Variants in TDP1 observed in about 807,000 individuals in gnomAD.
TDP1 encodes the protein tyrosyl-DNA phosphodiesterase 1.
Under a neutral mutation model 81.5 loss-of-function variants are expected in TDP1, and 64 were observed. The ratio of observed to expected loss-of-function variants is 0.79; its 90% confidence interval spans 0.64 to 0.97. TDP1 has a LOEUF of 0.97. Among genes scored for constraint, TDP1 ranks in the 50% least tolerant of loss-of-function variants. The probability of loss-of-function intolerance (pLI) is 0.00; values close to 1 mark genes in which losing one functional copy is unlikely to be tolerated. For synonymous variants in TDP1, 256 were observed against 264.3 expected (o/e 0.97, Z 0.30); for missense variants, 723 against 743.8 (o/e 0.97, Z 0.33).
chr14:89,962,697 T>C (rs748851796), intron 2 of TDP1, among the ~76,000 whole-genome samples: 1 of 149,448 alleles, frequency 6.7e-6, no homozygotes, highest in Non-Finnish European at 1.5e-5. Flanking sequence ...AAACCCTGTC[T>C]CTACCAAAAA....
At chr14:89,956,272 C>T (rs529668207) in intron 1 of TDP1, 11 of 152,424 alleles carry the variant, frequency 7.2e-5, no homozygotes, top group African/African-American at 2.6e-4. Flanking sequence ...CAGACCTAAG[C>T]TTACAGGTGC....
Position 90,019,430 on chromosome 14 carries a change from C to T in TDP1, c.1644+12C>T. The T allele has an allele frequency of 7.2e-7, 1 of 1,387,708 alleles. No individual in the cohort carries two copies. The highest frequency in any genetic ancestry group is 1.0e-6 in the Non-Finnish European group (1 of 973,176). The allele number at this position is 1,387,708 out of a possible 1,614,324, so 86.0% of individuals were successfully genotyped here. ...TCCCTTCAGCATTTGTAAGTTTACA[C>T]TTCCAACTGCACAGTGGGTCACATG... On this transcript the variant is annotated intron_variant, in intron 15 of 16. Transcript: ENST00000335725.
At chr14:89,989,485 A>T in intron 11 of TDP1, 1 of 948,260 alleles carries the variant, frequency 1.1e-6, no homozygotes, top group Non-Finnish European at 1.3e-6. Context: ...TGTTAACTTG[A>T]ATTTCAAAGG....
chr14:90,037,000 T>G (rs1320681579), intron 16 of TDP1, among the ~76,000 whole-genome samples: 2 of 152,022 alleles, frequency 1.3e-5, no homozygotes, highest in Admixed American at 6.6e-5. Flanking sequence ...TTTGTAGAGA[T>G]GGGGTCTCGC....
At position 89,963,437 on chromosome 14, in the gene TDP1, T is replaced by C. The variant is rs750919106; in HGVS notation, c.323T>C (p.Val108Ala). The change falls in exon 3 of 17, where the codon GTG becomes GCG. Residue 108 changes from valine to alanine, a missense_variant. Transcript: ENST00000335725. ...ATGCCGCAGAAGCAGGCTGAGAAAG[T>C]GGTGATCAAAAAGGAGAAAGACATC... ...PEMPQKQAEKVVIKKEKDISA... is the reference protein window; with the variant it reads ...PEMPQKQAEKAVIKKEKDISA... 1.7e-5 allele frequency: 27 copies of C among 1,613,412 alleles called. No homozygotes were observed. In the South Asian group the frequency reaches 2.6e-4, roughly 16 times the overall value.
intron 14 of TDP1, among the ~76,000 whole-genome samples, chr14:89,997,980 G>A (rs888437036): frequency 3.9e-5 from 6 of 152,140 alleles, no homozygotes; most frequent in Non-Finnish European, 8.8e-5. Context: ...AAGCAAAGAA[G>A]TGTGTTTATG....
At chr14:89,984,279 A>G in intron 8 of TDP1, 6 of 985,372 alleles carry the variant, frequency 6.1e-6, no homozygotes, top group Non-Finnish European at 7.2e-6. Flanking sequence ...AGAGGTGGGC[A>G]GAGCCCAGGT....
intron 14 of TDP1, among the ~76,000 whole-genome samples, chr14:90,015,382 G>A (rs1885191813): frequency 6.6e-6 from 1 of 152,152 alleles, no homozygotes; most frequent in African/African-American, 2.4e-5. Flanking sequence ...TCATATTGGG[G>A]ACTCAGGTCA....
In TDP1 at chr14:89,998,372, TTATATATATATATATATATATATATATA is replaced by T. The variant is rs58264054; in HGVS notation, c.1541+4913_1541+4940del. ...AGTTCCAGGCACAGTTCCAAGCACA[TTATATATATATATATATATATATATATA>T]TATATATATATATATATATATATGT... On this transcript the variant is annotated intron_variant, in intron 14 of 16. Transcript: ENST00000335725. Among the ~76,000 whole-genome samples the T allele has an allele frequency of 8.0e-3, 423 of 53,138 alleles. 21 individuals carry two copies. Among genetic ancestry groups the T allele is most frequent in the African/African-American group, 0.03 (370 of 12,150 alleles). 34.9% of individuals were successfully genotyped at this position (53,138 alleles called of 152,430 possible).
intron 15 of TDP1, chr14:90,022,631 C>A: frequency 2.4e-6 from 1 of 425,052 alleles, no homozygotes; most frequent in Non-Finnish European, 3.1e-6. Context: ...AGTTGATGTG[C>A]GTCTTGTCAG....
chr14:89,967,282 T>G, intron 4 of TDP1, 85 bp from the exon 5 acceptor site: 1 of 1,439,096 alleles, frequency 6.9e-7, no homozygotes, highest in South Asian at 1.1e-5. Flanking sequence ...AGAGTTTCCT[T>G]AAATGTAATA....
intron 4 of TDP1, 142 bp downstream of exon 4, chr14:89,966,332 C>T (rs2139971364): frequency 2.8e-6 from 2 of 704,960 alleles, no homozygotes; most frequent in Non-Finnish European, 5.2e-6. Context: ...GAGGCTGGCT[C>T]AAGTGCCACA....
intron 14 of TDP1, among the ~76,000 whole-genome samples, chr14:89,993,957 A>G (rs1896447562): frequency 6.6e-6 from 1 of 152,170 alleles, no homozygotes; most frequent in Non-Finnish European, 1.5e-5. Flanking sequence ...ATGGTTTAGG[A>G]TAGTCACAGA....
chr14:90,003,155 C>G (rs1221779697), intron 14 of TDP1, among the ~76,000 whole-genome samples: 2 of 152,116 alleles, frequency 1.3e-5, no homozygotes, highest in Non-Finnish European at 2.9e-5. Context: ...CCAGGCTGGT[C>G]TCGAACTCCT....
At chr14:89,966,909 G>A in intron 4 of TDP1, 1 of 813,274 alleles carries the variant, frequency 1.2e-6, no homozygotes, top group African/African-American at 1.9e-5. Context: ...TCTGGTCCCA[G>A]GTGGCTGTGT....
At chr14:90,006,348 T>A (rs1897684053) in intron 14 of TDP1, among the ~76,000 whole-genome samples, 1 of 152,184 alleles carries the variant, frequency 6.6e-6, no homozygotes, top group East Asian at 1.9e-4. Context: ...ATGTGTTGCA[T>A]CCTCTTAGTA....
intron 6 of TDP1, among the ~76,000 whole-genome samples, chr14:89,974,643 T>C (rs532828948): frequency 4.9e-5 from 7 of 143,148 alleles, no homozygotes; most frequent in African/African-American, 1.9e-4. Context: ...GCCTATTGCA[T>C]GCAGGCCCCC....
intron 3 of TDP1, among the ~76,000 whole-genome samples, chr14:89,964,416 A>G (rs1341684589): frequency 6.6e-6 from 1 of 152,238 alleles, no homozygotes; most frequent in Non-Finnish European, 1.5e-5. Flanking sequence ...TAGTTTGCTC[A>G]TCTTTAAACT....
Position 90,043,804 on chromosome 14 carries a change from T to C in TDP1, c.*661T>C, listed in dbSNP as rs1888583589. The C allele has an allele frequency of 6.6e-6, 1 of 152,552 alleles. No individual in the cohort carries two copies. Among genetic ancestry groups the C allele is most frequent in the African/African-American group, 2.4e-5 (1 of 41,452 alleles). 9.4% of individuals were successfully genotyped at this position (152,552 alleles called of 1,614,324 possible). ...AGTAACATAGAATCTCTTGGTGCTG[T>C]CAGCTGTTGGGAATTGAAGATTGAC... On this transcript the variant is annotated 3_prime_UTR_variant, in exon 17 of 17. Coordinates refer to ENST00000335725, the MANE Select transcript of TDP1 (RefSeq NM_018319.4).
Sources: allele counts gnomAD v4.1 joint callset (sites outside exome capture counted in the v4.1 genomes callset), GRCh38; gene constraint gnomAD v4.1.1; transcripts MANE v1.5; gene names NCBI Gene and HGNC (gene_info 2026-07-23, HGNC 2026-07-21).